Variants in PRLR observed in about 807,000 individuals in gnomAD.
The protein encoded by PRLR is hPRL receptor.
In PRLR, 13 loss-of-function variants were observed where a neutral mutation model predicts 40.2. The observed-to-expected ratio is 0.32, with a 90% confidence interval of 0.21 to 0.51. The LOEUF is 0.51. PRLR is among the 20% of genes least tolerant of loss of function. The probability of loss-of-function intolerance (pLI) is 0.97; values close to 1 mark genes in which losing one functional copy is unlikely to be tolerated. For synonymous variants in PRLR, 269 were observed against 278.7 expected (o/e 0.97, Z 0.35); for missense variants, 656 against 747.3 (o/e 0.88, Z 1.42).
chr5:35,072,860 T>A, intron 5 of PRLR, 116 bp from the exon 6 acceptor site: 1 of 1,209,452 alleles, frequency 8.3e-7, no homozygotes, highest in Non-Finnish European at 1.1e-6. Flanking sequence ...CCCACTGTAC[T>A]ATAAGCCCCC....
In PRLR at chr5:35,058,610, ACATATTTTTT is replaced by A. The variant is rs1156528689; in HGVS notation, c.*6469_*6478del. 1 of 152,230 alleles carries A rather than the reference ACATATTTTTT, an allele frequency of 6.6e-6. No homozygotes were observed. The highest frequency in any genetic ancestry group is 2.4e-5 in the African/African-American group (1 of 41,468). The allele number at this position is 152,230 out of a possible 1,614,324, so 9.4% of individuals were successfully genotyped here. On this transcript the variant is annotated 3_prime_UTR_variant, in exon 10 of 10. Transcript: ENST00000618457. Reference sequence around the variant, plus strand: ...TTCACGCTTTCAACAGAAATACATTACATATTTTTTCAGTTTTGTTTTACAGTCATAGACA... The same window carrying A: ...TTCACGCTTTCAACAGAAATACATTACAGTTTTGTTTTACAGTCATAGACA...
intron 2 of PRLR, among the ~76,000 whole-genome samples, chr5:35,102,103 C>G (rs1771920701): frequency 6.6e-6 from 1 of 152,124 alleles, no homozygotes. Context: ...GCCGTGATTA[C>G]AGACGTGAGC....
intron 2 of PRLR, among the ~76,000 whole-genome samples, chr5:35,094,946 G>A (rs927335941): frequency 1.3e-5 from 2 of 150,694 alleles, no homozygotes; most frequent in African/African-American, 4.9e-5. Flanking sequence ...TCCCACCTCA[G>A]CCTCCTGAGT....
downstream of PRLR, among the ~76,000 whole-genome samples, chr5:35,051,399 C>T (rs1768492128): frequency 6.6e-6 from 1 of 152,176 alleles, no homozygotes; most frequent in South Asian, 2.1e-4. Flanking sequence ...ATGGCAAAAT[C>T]TTTTTGAGCA....
intron 1 of PRLR, among the ~76,000 whole-genome samples, chr5:35,219,381 A>G (rs1207987864): frequency 6.6e-6 from 1 of 152,204 alleles, no homozygotes; most frequent in Non-Finnish European, 1.5e-5. Flanking sequence ...CAGTTTCCTC[A>G]TCTATAAAAT....
At chr5:35,192,492 C>A (rs961489951) in intron 1 of PRLR, among the ~76,000 whole-genome samples, 2 of 152,004 alleles carry the variant, frequency 1.3e-5, no homozygotes, top group African/African-American at 4.8e-5. Flanking sequence ...AGGAGCTAAG[C>A]CTAAAAAGGG....
rs1768690721 is a variant in PRLR, at chr5:35,056,000, C to T, written c.*9089G>A. ...AAAATTCCTGAGCTCCCTTTTCTTA[C>T]ACCAGTATTCACCAATCAACATCCA... On this transcript the variant is annotated 3_prime_UTR_variant, in exon 10 of 10. Coordinates refer to ENST00000618457, the MANE Select transcript of PRLR (RefSeq NM_000949.7). 6.6e-6 allele frequency: 1 copy of T among 152,224 alleles called. No homozygotes were observed. Among genetic ancestry groups the T allele is most frequent in the Non-Finnish European group, 1.5e-5 (1 of 68,034 alleles). 9.4% of individuals were successfully genotyped at this position (152,224 alleles called of 1,614,324 possible). A position where few individuals can be genotyped will look rare whatever the true frequency, so the allele number is the denominator to read the frequency against.
chr5:35,049,088 T>C, exon 9 of PRLR: 1 of 682,592 alleles, frequency 1.5e-6, no homozygotes, highest in South Asian at 1.5e-5. Context: ...TTTGTGTGGG[T>C]TTCCAGCTCC....
chr5:35,146,374 A>G (rs1466244111), intron 1 of PRLR, among the ~76,000 whole-genome samples: 1 of 152,134 alleles, frequency 6.6e-6, no homozygotes, highest in Non-Finnish European at 1.5e-5. Flanking sequence ...CATAACATCC[A>G]TCTCCTTGTA....
At chr5:35,184,864 G>T (rs1775384260) in intron 1 of PRLR, among the ~76,000 whole-genome samples, 1 of 152,336 alleles carries the variant, frequency 6.6e-6, no homozygotes, top group African/African-American at 2.4e-5. Flanking sequence ...AGGAAAAGGG[G>T]TAGTTAAGTT....
chr5:35,119,504 T>G (rs1773205085), intron 1 of PRLR, among the ~76,000 whole-genome samples: 1 of 152,142 alleles, frequency 6.6e-6, no homozygotes, highest in South Asian at 2.1e-4. Context: ...AAGGGCCATC[T>G]GAGCATAAGA....
intron 2 of PRLR, among the ~76,000 whole-genome samples, chr5:35,117,110 A>G (rs2111703287): frequency 6.6e-6 from 1 of 152,164 alleles, no homozygotes; most frequent in African/African-American, 2.4e-5. Context: ...TGCACAGAGG[A>G]GCCCCACCAC....
Position 35,086,283 on chromosome 5 carries a change from G to A in PRLR, c.128C>T (p.Thr43Ile), listed in dbSNP as rs1415980136. 3.7e-6 allele frequency: 6 copies of A among 1,613,924 alleles called. No homozygotes were observed. Among genetic ancestry groups the A allele is most frequent in the Non-Finnish European group, 5.1e-6 (6 of 1,179,950 alleles). Residue 43 changes from threonine (T) to isoleucine (I), a missense_variant, in exon 4 of 10, where the codon ACA becomes ATA. Thr to Ile is a moderately conservative substitution (Grantham distance 89). Coordinates refer to ENST00000618457, the MANE Select transcript of PRLR (RefSeq NM_000949.7). ...IFKCRSPNKE[T>I]FTCWWRPGTD... The stretch of plus-strand genomic sequence containing the variant: ...CCCAGGCCTCCACCAGCAGGTGAAT[G>A]TTTCCTTATTGGGAGAACGACATTT...
chr5:35,055,117 T>C (rs1347906241), downstream of PRLR, among the ~76,000 whole-genome samples: 1 of 152,228 alleles, frequency 6.6e-6, no homozygotes, highest in Non-Finnish European at 1.5e-5. Flanking sequence ...AGATCACAAA[T>C]GGATGATGAA....
intron 4 of PRLR, 151 bp downstream of exon 4, chr5:35,086,056 TG>T: frequency 2.3e-6 from 2 of 857,978 alleles, no homozygotes; most frequent in Non-Finnish European, 3.7e-6. Flanking sequence ...CAGGAGAATG[TG>T]GGCATGGACC....
At chr5:35,183,945 G>C (rs556699405) in intron 1 of PRLR, among the ~76,000 whole-genome samples, 1 of 152,286 alleles carries the variant, frequency 6.6e-6, no homozygotes, top group Admixed American at 6.5e-5. Context: ...AAGAAACCCT[G>C]TGATAACTTG....
At chr5:35,118,927 TG>T (rs1773172686) in intron 1 of PRLR, among the ~76,000 whole-genome samples, 1 of 152,024 alleles carries the variant, frequency 6.6e-6, no homozygotes, top group Non-Finnish European at 1.5e-5. Context: ...CCCAAGTAGC[TG>T]GGACTACAGG....
chr5:35,099,627 G>GT (rs1771741182), intron 2 of PRLR, among the ~76,000 whole-genome samples: 1 of 152,170 alleles, frequency 6.6e-6, no homozygotes, highest in South Asian at 2.1e-4. Flanking sequence ...TGACAGCTCC[G>GT]TGCATGCTAT....
intron 2 of PRLR, among the ~76,000 whole-genome samples, chr5:35,115,569 G>A (rs1772965157): frequency 1.3e-5 from 2 of 152,092 alleles, no homozygotes; most frequent in South Asian, 4.2e-4. Context: ...ATCTCCTCTT[G>A]GCTTCTTGCA....
Sources: allele counts gnomAD v4.1 joint callset (sites outside exome capture counted in the v4.1 genomes callset), GRCh38; gene constraint gnomAD v4.1.1; transcripts MANE v1.5; gene names NCBI Gene and HGNC (gene_info 2026-07-23, HGNC 2026-07-21).